The following IDO2 variants were observed in gnomAD, a reference collection of about 807,000 sequenced individuals.
IDO2 encodes the protein indoleamine 2,3-dioxygenase 2, also known as indoleamine 2,3-dioxygenase-like 1 protein.
IDO2 carries 46 observed loss-of-function variants against 45.1 expected under a neutral mutation model. The observed-to-expected ratio is 1.02, with a 90% CI of 0.80 to 1.30. The LOEUF (loss-of-function observed/expected upper bound fraction) is 1.30. Ranked by LOEUF, IDO2 falls within the 50% of genes most tolerant of loss-of-function variation. The probability of loss-of-function intolerance (pLI) is 0.00; values close to 1 mark genes in which losing one functional copy is unlikely to be tolerated. For synonymous variants in IDO2, 218 were observed against 184.9 expected, an observed-to-expected ratio of 1.18 and a Z score of -1.45; for missense variants, 544 against 491.8, an observed-to-expected ratio of 1.11 and a Z score of -1.00.
rs539183590 is a variant in IDO2, at chr8:39,951,770, T to C, written c.99+2506T>C. ...GGAAGAAAAGACCAAATTGCTCTTA[T>C]TGGGATTAAATGCGTACACTGAGCT... On this transcript the variant is annotated intron_variant, in intron 2 of 10. Transcript: ENST00000502986. Among the ~76,000 whole-genome samples, 175 of 152,300 alleles carry C rather than the reference T, an allele frequency of 1.1e-3. 1 individual carries two copies. Among genetic ancestry groups the C allele is most frequent in the African/African-American group, 4.1e-3 (169 of 41,556 alleles).
At chr8:40,005,270 T>C (rs1366454816) in intron 8 of IDO2, 57 bp from the exon 9 acceptor site, 7 of 1,260,512 alleles carry the variant, frequency 5.6e-6, no homozygotes, top group Non-Finnish European at 7.9e-6. Flanking sequence ...CCCATGCACA[T>C]GTAACCAATT....
At chr8:40,003,184 A>G (rs555413592) in intron 8 of IDO2, among the ~76,000 whole-genome samples, 4 of 152,244 alleles carry the variant, frequency 2.6e-5, no homozygotes, top group African/African-American at 9.6e-5. Context: ...AGCCTGGCCA[A>G]CATGGTAAAG....
At chr8:39,953,721 C>T (rs988124548) in intron 2 of IDO2, among the ~76,000 whole-genome samples, 3 of 152,262 alleles carry the variant, frequency 2.0e-5, no homozygotes, top group African/African-American at 4.8e-5. Flanking sequence ...CACCACCAAC[C>T]ACACCCAGCT....
At chr8:39,972,377 G>A (rs1485835899) in intron 3 of IDO2, among the ~76,000 whole-genome samples, 1 of 152,056 alleles carries the variant, frequency 6.6e-6, no homozygotes, top group Non-Finnish European at 1.5e-5. Context: ...GGGAAGCCGA[G>A]GCAGGCGGAT....
At chr8:40,012,784 G>A (rs562266272) in intron 9 of IDO2, among the ~76,000 whole-genome samples, 2 of 152,232 alleles carry the variant, frequency 1.3e-5, no homozygotes, top group South Asian at 4.1e-4. Context: ...GAGGAGAGGA[G>A]AACAGCTGCT....
intron 2 of IDO2, among the ~76,000 whole-genome samples, chr8:39,960,875 C>T (rs544656114): frequency 3.0e-4 from 45 of 152,250 alleles, no homozygotes; most frequent in African/African-American, 1.0e-3. Context: ...CTCCACCTCC[C>T]GGGTTCATGC....
At chr8:40,013,782 A>G in intron 10 of IDO2, 69 bp downstream of exon 10, 1 of 958,110 alleles carries the variant, frequency 1.0e-6, no homozygotes, top group Admixed American at 3.6e-5. Flanking sequence ...TTTTTTTTCC[A>G]ATTGATAAAA....
chr8:39,995,591 A>G (rs1802030446), intron 8 of IDO2, among the ~76,000 whole-genome samples: 1 of 152,138 alleles, frequency 6.6e-6, no homozygotes. Flanking sequence ...GGCAAGAGAC[A>G]GAGGGCACGA....
intron 9 of IDO2, among the ~76,000 whole-genome samples, chr8:40,008,309 G>A (rs779348384): frequency 1.3e-5 from 2 of 152,088 alleles, no homozygotes; most frequent in Non-Finnish European, 2.9e-5. Flanking sequence ...GCCTCCCAAA[G>A]TGCTGAGATT....
intron 3 of IDO2, among the ~76,000 whole-genome samples, chr8:39,972,712 A>G (rs950625748): frequency 6.6e-6 from 1 of 151,672 alleles, no homozygotes; most frequent in African/African-American, 2.4e-5. Context: ...GGAAGAGTCA[A>G]TTGATGTGGC....
In IDO2 at chr8:39,948,109, G is replaced by A. The variant is rs1478425950; in HGVS notation, c.-17-1040G>A. 3.3e-5 allele frequency among the ~76,000 whole-genome samples: 5 copies of A among 152,116 alleles called. No homozygotes were observed. The East Asian group carries it at 7.7e-4, about 23-fold the overall frequency. On this transcript the variant is annotated intron_variant, in intron 1 of 10. Transcript: ENST00000502986. ...CCAGCCTCGAGTGCTATTTCTTTAC[G>A]GCACGGAAGAACAAACATTTCAAAC...
intron 2 of IDO2, among the ~76,000 whole-genome samples, chr8:39,962,928 C>A (rs992034263): frequency 6.6e-6 from 1 of 152,220 alleles, no homozygotes; most frequent in African/African-American, 2.4e-5. Flanking sequence ...CAGAAAGAAT[C>A]AATCGGGAAA....
chr8:40,014,463 G>A (rs909824862), intron 10 of IDO2, among the ~76,000 whole-genome samples: 7 of 152,116 alleles, frequency 4.6e-5, no homozygotes, highest in African/African-American at 1.7e-4. Flanking sequence ...CTAAAACAGT[G>A]ACTCATTCTT....
rs187602570 is a variant in IDO2, at chr8:39,951,397, G to A, written c.99+2133G>A. On this transcript the variant is annotated intron_variant, in intron 2 of 10. Coordinates refer to ENST00000502986, the Ensembl canonical transcript of IDO2. Reference sequence around the variant, plus strand: ...CTGACACTGCCACTAGGTTGACCAAGTGTCCCTATTTGTTAGGTACTGGAT... The same window carrying A: ...CTGACACTGCCACTAGGTTGACCAAATGTCCCTATTTGTTAGGTACTGGAT... 2.6e-5 allele frequency among the ~76,000 whole-genome samples: 4 copies of A among 151,566 alleles called. No homozygotes were observed. The East Asian group carries it at 7.9e-4, about 30-fold the overall frequency.
Position 40,012,185 on chromosome 8 carries a change from C to A in IDO2, c.720-1380C>A, listed in dbSNP as rs182726315. ...GTGTGTGTATGTCCCTTCTCTTGAG[C>A]AAAATAACTTTTAGAATTATAGAAA... On this transcript the variant is annotated intron_variant, in intron 9 of 10. Coordinates refer to ENST00000502986, the Ensembl canonical transcript of IDO2. 5.9e-5 allele frequency among the ~76,000 whole-genome samples: 9 copies of A among 151,720 alleles called. No homozygotes were observed. In the East Asian group the frequency reaches 1.7e-3, roughly 29 times the overall value.
At chr8:39,984,357 C>T (rs111386466) in intron 5 of IDO2, among the ~76,000 whole-genome samples, 5 of 152,200 alleles carry the variant, frequency 3.3e-5, no homozygotes, top group African/African-American at 1.2e-4. Flanking sequence ...TGCCTGCAAT[C>T]CCAGCTACTC....
intron 3 of IDO2, among the ~76,000 whole-genome samples, chr8:39,974,588 T>A (rs1394874114): frequency 6.6e-6 from 1 of 151,924 alleles, no homozygotes; most frequent in Non-Finnish European, 1.5e-5. Flanking sequence ...TTTGAGATCA[T>A]CCTGGCCAAC....
intron 2 of IDO2, among the ~76,000 whole-genome samples, chr8:39,950,169 T>C (rs1033600447): frequency 4.6e-5 from 7 of 152,172 alleles, no homozygotes; most frequent in African/African-American, 1.7e-4. Flanking sequence ...TCTTGACTTT[T>C]AGTTATTATT....
At chr8:39,982,764 C>G in exon 5 of IDO2, 1 of 1,580,764 alleles carries the variant, frequency 6.3e-7, no homozygotes, top group Non-Finnish European at 8.6e-7. Context: ...AAAAAAGATC[C>G]AGACGGGTAA....
Sources: allele counts gnomAD v4.1 joint callset (sites outside exome capture counted in the v4.1 genomes callset), GRCh38; gene constraint gnomAD v4.1.1; transcripts MANE v1.5; gene names NCBI Gene and HGNC (gene_info 2026-07-23, HGNC 2026-07-21).